The following HYCC2 variants were observed in gnomAD, a reference collection of about 807,000 sequenced individuals.
The protein encoded by HYCC2 is hyccin 2.
the HYCC2 span, among the ~76,000 whole-genome samples, chr2:200,995,789 T>C: frequency 6.6e-6 from 1 of 152,208 alleles, no homozygotes; most frequent in Admixed American, 6.5e-5. Flanking sequence ...TCTGGATTCC[T>C]GACCCACAAA....
the HYCC2 span, among the ~76,000 whole-genome samples, chr2:201,060,132 G>A: frequency 7.3e-5 from 11 of 150,424 alleles, no homozygotes; most frequent in African/African-American, 2.4e-4. Flanking sequence ...TTGCATTTCC[G>A]GTTCTTAACA....
chr2:201,048,949 AAAACAAAC>A, the HYCC2 span, among the ~76,000 whole-genome samples: 3 of 151,740 alleles, frequency 2.0e-5, no homozygotes, highest in Non-Finnish European at 2.9e-5. Context: ...CATTATCTAC[AAAACAAAC>A]AAACAAACAA....
At chr2:201,050,867 G>A in the HYCC2 span, among the ~76,000 whole-genome samples, 1 of 149,802 alleles carries the variant, frequency 6.7e-6, no homozygotes, top group Non-Finnish European at 1.5e-5. Flanking sequence ...CCCAGGAGGC[G>A]GAGGTTGCAG....
chr2:200,981,318 C>G, the HYCC2 span: 1 of 1,614,068 alleles, frequency 6.2e-7, no homozygotes, highest in Non-Finnish European at 8.5e-7. This position sits in a 1 kb window ranked among gnomAD's most constrained non-coding sequence, Gnocchi z 4.5. Flanking sequence ...ATCGAGACTG[C>G]TTGGTCAAGG....
the HYCC2 span, among the ~76,000 whole-genome samples, chr2:201,015,537 A>G: frequency 6.6e-6 from 1 of 152,190 alleles, no homozygotes; most frequent in East Asian, 1.9e-4. Context: ...AATTATGTAT[A>G]TAGCCTTTAA....
At chr2:201,024,434 A>G in the HYCC2 span, among the ~76,000 whole-genome samples, 2 of 152,110 alleles carry the variant, frequency 1.3e-5, no homozygotes, top group Non-Finnish European at 2.9e-5. Flanking sequence ...GGCTGCAGTG[A>G]GCTATGATCG....
the HYCC2 span, chr2:200,976,494 CA>C: frequency 5.9e-5 from 9 of 152,092 alleles, no homozygotes; most frequent in Non-Finnish European, 1.2e-4. Flanking sequence ...AACTGATTGT[CA>C]ACAACTGAAG....
the HYCC2 span, chr2:200,981,732 T>G: frequency 6.2e-7 from 1 of 1,614,044 alleles, no homozygotes; most frequent in Non-Finnish European, 8.5e-7. The surrounding 1 kb of genome is among the most constrained non-coding windows in gnomAD (Gnocchi z 4.5). Context: ...CAGTTGCTAC[T>G]TTCCTTAAGC....
chr2:201,055,534 A>AT, the HYCC2 span, among the ~76,000 whole-genome samples: 63 of 152,082 alleles, frequency 4.1e-4, no homozygotes, highest in Non-Finnish European at 8.1e-4. Context: ...CCCTGTCTCA[A>AT]TAAAAAATAC....
At chr2:201,040,763 GC>G in the HYCC2 span, among the ~76,000 whole-genome samples, 1 of 152,114 alleles carries the variant, frequency 6.6e-6, no homozygotes, top group East Asian at 1.9e-4. Flanking sequence ...GTGATTACAG[GC>G]GTGAGCCACT....
chr2:200,997,685 TCTC>T, the HYCC2 span: 1 of 588,092 alleles, frequency 1.7e-6, no homozygotes, highest in Non-Finnish European at 3.1e-6. Flanking sequence ...CTGTTTATAT[TCTC>T]CTTATTACAA....
At chr2:200,991,317 A>G in the HYCC2 span, among the ~76,000 whole-genome samples, 3 of 151,810 alleles carry the variant, frequency 2.0e-5, no homozygotes, top group East Asian at 5.8e-4. Flanking sequence ...TAAAAATACA[A>G]AAATTCGCTT....
At chr2:201,042,312 A>C in the HYCC2 span, among the ~76,000 whole-genome samples, 15 of 151,086 alleles carry the variant, frequency 9.9e-5, no homozygotes, top group South Asian at 1.3e-3. Context: ...GCTACAACCT[A>C]CACCTCCCAG....
At chr2:200,979,432 A>T in the HYCC2 span, 1 of 152,406 alleles carries the variant, frequency 6.6e-6, no homozygotes, top group African/African-American at 2.4e-5. Flanking sequence ...AGACCACCAT[A>T]TTTAAACAAG....
At chr2:201,064,860 C>T in the HYCC2 span, among the ~76,000 whole-genome samples, 1 of 152,102 alleles carries the variant, frequency 6.6e-6, no homozygotes, top group South Asian at 2.1e-4. Context: ...AAAAAAACTG[C>T]CAACAGGTCT....
the HYCC2 span, among the ~76,000 whole-genome samples, chr2:201,003,578 G>A: frequency 0.029 from 4,322 of 151,610 alleles, 216 homozygotes; most frequent in African/African-American, 0.099. Flanking sequence ...GCATGGTGGC[G>A]TGCGCCTGTA....
chr2:201,063,951 C>T, the HYCC2 span: 2 of 1,597,388 alleles, frequency 1.3e-6, no homozygotes, highest in Non-Finnish European at 1.7e-6. Flanking sequence ...AGCTCTGGCC[C>T]CTATGGCGGT....
chr2:201,043,570 G>A, the HYCC2 span, among the ~76,000 whole-genome samples: 5 of 148,384 alleles, frequency 3.4e-5, no homozygotes, highest in South Asian at 6.4e-4. Flanking sequence ...GTGCAGTGGC[G>A]TGATCTCAGC....
chr2:200,982,429 C>A, the HYCC2 span, among the ~76,000 whole-genome samples: 1 of 151,898 alleles, frequency 6.6e-6, no homozygotes, highest in African/African-American at 2.4e-5. Flanking sequence ...GTTTTAGAAC[C>A]TTTAACATGG....
Sources: allele counts gnomAD v4.1 joint callset (sites outside exome capture counted in the v4.1 genomes callset), GRCh38; gene constraint gnomAD v4.1.1; non-coding constraint Gnocchi (gnomAD v3.1); transcripts MANE v1.5; gene names NCBI Gene and HGNC (gene_info 2026-07-23, HGNC 2026-07-21).